Variants in RPS6KA2 observed in about 807,000 individuals in gnomAD.
The protein encoded by RPS6KA2 is ribosomal protein S6 kinase A2.
RPS6KA2 carries 42 observed loss-of-function variants against 91.8 expected under a neutral mutation model. That is an observed-to-expected ratio of 0.46 (90% CI 0.36 to 0.59). RPS6KA2 has a LOEUF of 0.59. RPS6KA2 is among the 20% of genes least tolerant of loss of function. RPS6KA2 has a pLI of 0.00. For synonymous variants in RPS6KA2, 414 were observed against 393.6 expected, an observed-to-expected ratio of 1.05 and a Z score of -0.61; for missense variants, 798 against 978.5, an observed-to-expected ratio of 0.82 and a Z score of 2.46.
chr6:166,538,772 C>A lies in RPS6KA2; in HGVS notation c.112G>T (p.Val38Leu). ...TGATGGCTGATGTCTATCTCCTTCA[C>A]GACGCCTTCTTCCTGCAAGAGAGCG... ...SLSRLEEEGV[V>L]KEIDISHHVK... The change falls in exon 2 of 21, where the codon GTG (valine) becomes TTG (leucine). Residue 38 changes from valine to leucine, a missense_variant. Val to Leu is a conservative substitution (Grantham distance 32). Coordinates refer to ENST00000265678, the MANE Select transcript of RPS6KA2 (RefSeq NM_021135.6). 6.3e-7 allele frequency: 1 copy of A among 1,591,318 alleles called. No homozygotes were observed. Among genetic ancestry groups the A allele is most frequent in the Non-Finnish European group, 8.6e-7 (1 of 1,159,608 alleles).
In RPS6KA2 at chr6:166,741,738, G is replaced by C. The variant is rs760935844; in HGVS notation, c.123+116462C>G. Among the ~76,000 whole-genome samples the C allele has an allele frequency of 1.3e-3, 202 of 152,350 alleles. 1 individual carries two copies. Among genetic ancestry groups the C allele is most frequent in the Non-Finnish European group, 2.0e-3 (139 of 68,034 alleles). On this transcript the variant is annotated intron_variant, in intron 2 of 21. Transcript: ENST00000503859. Reference sequence around the variant, plus strand: ...AAGAGTGAGGTTAACGGAAGGGACAGAAACCCCAGAAAATTGCTCTCCTGG... The same window carrying C: ...AAGAGTGAGGTTAACGGAAGGGACACAAACCCCAGAAAATTGCTCTCCTGG...
chr6:166,832,079 T>C (rs1780201737), intron 2 of RPS6KA2, among the ~76,000 whole-genome samples: 1 of 151,932 alleles, frequency 6.6e-6, no homozygotes, highest in Admixed American at 6.6e-5. Flanking sequence ...GATAGATAGA[T>C]AGATATAGAT....
rs185409932 is a variant in RPS6KA2 at position 166,789,644 on chromosome 6, G to A, written c.123+68556C>T. On this transcript the variant is annotated intron_variant, in intron 2 of 21. Transcript: ENST00000503859. ...GGGCAGACTGACACCTCACACGGCC[G>A]GGTACTCCTCTGAGACAAAACTTCC... 3.9e-5 allele frequency among the ~76,000 whole-genome samples: 6 copies of A among 152,274 alleles called. No individual in the cohort carries two copies. In the South Asian group the frequency reaches 6.2e-4, roughly 16 times the overall value.
intron 1 of RPS6KA2, among the ~76,000 whole-genome samples, chr6:166,596,382 A>G (rs138693351): frequency 3.6e-4 from 55 of 152,306 alleles, no homozygotes; most frequent in South Asian, 8.3e-4. Flanking sequence ...CCCACCCTCA[A>G]TCTGGGTGGG....
At chr6:166,631,841 G>T (rs539892500), upstream of RPS6KA2, among the ~76,000 whole-genome samples, 1 of 152,320 alleles carries the variant, frequency 6.6e-6, no homozygotes, top group South Asian at 2.1e-4. Flanking sequence ...CCAGAGAGAG[G>T]CTGCGCGGCA....
At chr6:166,768,787 C>T (rs1178038935) in intron 2 of RPS6KA2, among the ~76,000 whole-genome samples, 2 of 152,140 alleles carry the variant, frequency 1.3e-5, no homozygotes, top group Non-Finnish European at 1.5e-5. Context: ...CCTGAACCTA[C>T]GGGGTTCCCG....
chr6:166,804,598 C>G (rs1362100265), intron 2 of RPS6KA2, among the ~76,000 whole-genome samples: 1 of 151,328 alleles, frequency 6.6e-6, no homozygotes, highest in Admixed American at 6.6e-5. Context: ...AATGAGAGGT[C>G]TAGGCATTAC....
intron 2 of RPS6KA2, chr6:166,702,594 T>G (rs376234839): frequency 5.9e-6 from 9 of 1,531,352 alleles, no homozygotes; most frequent in Non-Finnish European, 8.1e-6. Flanking sequence ...GTATCTGAAG[T>G]TTCCGAATCC....
intron 2 of RPS6KA2, among the ~76,000 whole-genome samples, chr6:166,668,110 T>C (rs1788370012): frequency 6.6e-6 from 1 of 152,098 alleles, no homozygotes; most frequent in African/African-American, 2.4e-5. Flanking sequence ...CCTGGAGAGC[T>C]GGAGTGACAC....
intron 10 of RPS6KA2, among the ~76,000 whole-genome samples, chr6:166,482,168 G>A (rs1176288726): frequency 6.6e-6 from 1 of 151,822 alleles, no homozygotes; most frequent in Non-Finnish European, 1.5e-5. Context: ...CTCTCTGATC[G>A]ATCTTAAAGT....
intron 3 of RPS6KA2, among the ~76,000 whole-genome samples, chr6:166,515,379 A>G (rs780680827): frequency 1.3e-5 from 2 of 152,212 alleles, no homozygotes; most frequent in African/African-American, 4.8e-5. Context: ...TGAAGTCAGC[A>G]TCTCTGTAAC....
At chr6:166,524,561 C>T (rs1782961386) in intron 3 of RPS6KA2, among the ~76,000 whole-genome samples, 1 of 152,212 alleles carries the variant, frequency 6.6e-6, no homozygotes, top group African/African-American at 2.4e-5. Context: ...ATCTAACTTC[C>T]TCCCCACATC....
At position 166,770,923 on chromosome 6, in the gene RPS6KA2, T is replaced by C. The variant is rs1356743005; in HGVS notation, c.123+87277A>G. The stretch of plus-strand genomic sequence containing the variant: ...CTGAGTCACTTTTGCCCTGTGAAAA[T>C]GGAAACGAAGAAAGAATTCCTTTAA... On this transcript the variant is annotated intron_variant, in intron 2 of 21. Transcript: ENST00000503859. The surrounding 1 kb of genome is among the most constrained non-coding windows in gnomAD (Gnocchi z 5.1). 6.3e-7 allele frequency: 1 copy of C among 1,593,488 alleles called. No individual in the cohort carries two copies. The highest frequency in any genetic ancestry group is 8.5e-7 in the Non-Finnish European group (1 of 1,178,728).
At chr6:166,453,668 A>T (rs890511986) in intron 12 of RPS6KA2, among the ~76,000 whole-genome samples, 1 of 152,226 alleles carries the variant, frequency 6.6e-6, no homozygotes, top group Non-Finnish European at 1.5e-5. Context: ...AACTAAATGG[A>T]ACTATATTCG....
intron 2 of RPS6KA2, among the ~76,000 whole-genome samples, chr6:166,640,702 G>T (rs1251543254): frequency 2.0e-5 from 3 of 152,130 alleles, no homozygotes; most frequent in Non-Finnish European, 4.4e-5. Flanking sequence ...AGGCAAAAAT[G>T]AGGATAAGGA....
rs138133032 is a variant in RPS6KA2, at chr6:166,729,451, T to C, written c.123+128749A>G. Among the ~76,000 whole-genome samples, 886 of 152,322 alleles carry C rather than the reference T, an allele frequency of 5.8e-3. 9 individuals carry two copies. The highest frequency in any genetic ancestry group is 0.02 in the African/African-American group (839 of 41,586). On this transcript the variant is annotated intron_variant, in intron 2 of 21. Coordinates refer to the RPS6KA2 transcript ENST00000503859. ...CAGCTTCCACCTCCTGGGGCTCAGATGATCCTCTCACCTCAGCCTCCTGAG... is the reference window on the plus strand; with the variant it reads ...CAGCTTCCACCTCCTGGGGCTCAGACGATCCTCTCACCTCAGCCTCCTGAG...
At chr6:166,540,917 A>G (rs1177286624) in intron 1 of RPS6KA2, among the ~76,000 whole-genome samples, 1 of 152,260 alleles carries the variant, frequency 6.6e-6, no homozygotes, top group Admixed American at 6.5e-5. Flanking sequence ...GGAAACATGT[A>G]TGCTATCTTT....
chr6:166,480,514 T>A (rs190215447), intron 10 of RPS6KA2, among the ~76,000 whole-genome samples: 3,969 of 110,402 alleles, frequency 0.036, 237 homozygotes, highest in African/African-American at 0.057. Flanking sequence ...TATATATATA[T>A]AATATATTTT....
At chr6:166,440,924 AGT>A (rs374258839) in intron 14 of RPS6KA2, among the ~76,000 whole-genome samples, 1 of 152,380 alleles carries the variant, frequency 6.6e-6, no homozygotes, top group African/African-American at 2.4e-5. Flanking sequence ...GCAGCTTCCC[AGT>A]GTGTGTTTCG....
Sources: allele counts gnomAD v4.1 joint callset (sites outside exome capture counted in the v4.1 genomes callset), GRCh38; gene constraint gnomAD v4.1.1; non-coding constraint Gnocchi (gnomAD v3.1); transcripts MANE v1.5; gene names NCBI Gene and HGNC (gene_info 2026-07-23, HGNC 2026-07-21).